The following ASCC3 variants were observed in gnomAD, a reference collection of about 807,000 sequenced individuals.
The protein encoded by ASCC3 is activating signal cointegrator 1 complex subunit 3, also known as ASC-1 complex subunit P200.
In ASCC3, 158 loss-of-function variants were observed where a neutral mutation model predicts 256.3. That is an observed-to-expected ratio of 0.62 (90% confidence interval 0.54 to 0.70). The LOEUF (loss-of-function observed/expected upper bound fraction) is 0.70, where lower values mean the gene tolerates loss of function less well. ASCC3 is among the 30% of genes least tolerant of loss of function. The pLI is 0.00. For missense variants in ASCC3, 2,259 were observed against 2,626.0 expected (o/e 0.86, Z 3.05); for synonymous variants, 948 against 883.4 (o/e 1.07, Z -1.30).
chr6:100,793,805 A>T (rs1352616247), intron 8 of ASCC3, among the ~76,000 whole-genome samples: 1 of 151,938 alleles, frequency 6.6e-6, no homozygotes, highest in African/African-American at 2.4e-5. Flanking sequence ...GGGATAGTGA[A>T]GACTGAAACT....
chr6:100,858,004 T>C lies in ASCC3; in HGVS notation c.241+6060A>G, dbSNP rs567508207. 1.9e-5 allele frequency: 3 copies of C among 159,680 alleles called. No individual in the cohort carries two copies. In the South Asian group the frequency reaches 6.1e-4, roughly 32 times the overall value. 9.9% of individuals were successfully genotyped at this position (159,680 alleles called of 1,614,324 possible). A position where few individuals can be genotyped will look rare whatever the true frequency, so the allele number is the denominator to read the frequency against. On this transcript the variant is annotated intron_variant, in intron 3 of 41. Transcript: ENST00000369162. Reference sequence around the variant, plus strand: ...AGTGAGTCTTCCAATTCTTGGTATATCCCTCTGTTTATTTAGATCTTCTTT... The same window carrying C: ...AGTGAGTCTTCCAATTCTTGGTATACCCCTCTGTTTATTTAGATCTTCTTT...
At chr6:100,619,450 G>A (rs1299032504) in intron 30 of ASCC3, among the ~76,000 whole-genome samples, 2 of 152,058 alleles carry the variant, frequency 1.3e-5, no homozygotes, top group Non-Finnish European at 2.9e-5. Context: ...TGACACTACT[G>A]TATCCATTTG....
In ASCC3 at chr6:100,797,492, A is replaced by AC. The variant is rs35996739; in HGVS notation, c.1395+1220dup. ...AAAAAAAAAATGAAAAAAAAAAAAA[A>AC]CTTAAAATTAAATATTTAATACATA... On this transcript the variant is annotated intron_variant, in intron 8 of 41. Transcript: ENST00000369162. Among the ~76,000 whole-genome samples the AC allele has an allele frequency of 6.1e-3, 920 of 150,322 alleles. 9 individuals carry two copies. Among genetic ancestry groups the AC allele is most frequent in the African/African-American group, 0.022 (895 of 40,670 alleles).
At chr6:100,696,877 G>A (rs1046085542) in intron 13 of ASCC3, among the ~76,000 whole-genome samples, 2 of 151,842 alleles carry the variant, frequency 1.3e-5, no homozygotes, top group Non-Finnish European at 2.9e-5. Context: ...TATTTAATTT[G>A]ACAATTATAT....
At chr6:100,605,830 T>C (rs1381795659) in intron 32 of ASCC3, 130 bp from the exon 33 acceptor site, 2 of 1,053,402 alleles carry the variant, frequency 1.9e-6, no homozygotes, top group East Asian at 5.2e-5. Flanking sequence ...ATATGTTTGC[T>C]ATGTTGATGG....
chr6:100,754,545 A>C (rs2115101056), intron 10 of ASCC3, among the ~76,000 whole-genome samples: 1 of 152,296 alleles, frequency 6.6e-6, no homozygotes, highest in East Asian at 1.9e-4. Context: ...TTGTACTACC[A>C]AATAGTAGGT....
chr6:100,769,556 A>G (rs1781824970), intron 8 of ASCC3, among the ~76,000 whole-genome samples: 2 of 151,924 alleles, frequency 1.3e-5, no homozygotes, highest in Admixed American at 6.5e-5. Flanking sequence ...TTTCAAAAGA[A>G]CAACTTTATC....
At chr6:100,595,127 T>G (rs1206479281) in intron 34 of ASCC3, among the ~76,000 whole-genome samples, 1 of 152,158 alleles carries the variant, frequency 6.6e-6, no homozygotes, top group Admixed American at 6.5e-5. Flanking sequence ...TAAGTTCTGG[T>G]GATGCACTGC....
At chr6:100,842,814 T>G (rs1376905158) in intron 4 of ASCC3, among the ~76,000 whole-genome samples, 1 of 151,996 alleles carries the variant, frequency 6.6e-6, no homozygotes, top group Non-Finnish European at 1.5e-5. Flanking sequence ...CTACAAAACA[T>G]TCTTTAAAAA....
Position 100,525,672 on chromosome 6 carries a change from C to T in ASCC3, c.5776-7530G>A, listed in dbSNP as rs1774548796. Among the ~76,000 whole-genome samples, 4 of 151,986 alleles carry T rather than the reference C, an allele frequency of 2.6e-5. No homozygotes were observed. In the South Asian group the frequency reaches 8.3e-4, roughly 32 times the overall value. On this transcript the variant is annotated intron_variant, in intron 37 of 41. Transcript: ENST00000369162. ...ATAGACTTTAGTTAATAATTATTTGCCAAAATTGGCTTATTAATTGTAGCA... is the reference window on the plus strand; with the variant it reads ...ATAGACTTTAGTTAATAATTATTTGTCAAAATTGGCTTATTAATTGTAGCA...
At position 100,510,098 on chromosome 6, in the gene ASCC3, C is replaced by T. The variant is rs373734435; in HGVS notation, c.6295G>A (p.Glu2099Lys). Residue 2099 changes from glutamate to lysine, a missense_variant, in exon 41 of 42, where the codon GAG becomes AAG. By Grantham distance (56) the Glu-to-Lys change is moderately conservative. Around this residue, in one of 2 missense-constraint regions of ASCC3, gnomAD observed 1,839 missense variants for 2,206.7 expected, o/e 0.83. Coordinates refer to ENST00000369162, the MANE Select transcript of ASCC3 (RefSeq NM_006828.4). Reference protein sequence around the residue: ...VHFGFHKGKPESCAVTPRFPK... With the variant: ...VHFGFHKGKPKSCAVTPRFPK... The stretch of plus-strand genomic sequence containing the variant: ...AATCGAGGAGTAACTGCACAGCTCT[C>T]TGGCTTTCCCTGTAAACCAGAAAAA... The T allele has an allele frequency of 1.8e-4, 289 of 1,614,030 alleles. 1 individual carries two copies. Among genetic ancestry groups the T allele is most frequent in the Non-Finnish European group, 2.4e-4 (283 of 1,180,034 alleles).
intron 34 of ASCC3, 74 bp downstream of exon 34, chr6:100,601,736 T>A: frequency 6.4e-7 from 1 of 1,561,408 alleles, no homozygotes; most frequent in Non-Finnish European, 8.8e-7. Flanking sequence ...GTACCTTAAT[T>A]TGGAGTTTAT....
chr6:100,842,007 G>A (rs1452582594), intron 4 of ASCC3, among the ~76,000 whole-genome samples: 1 of 152,068 alleles, frequency 6.6e-6, no homozygotes, highest in African/African-American at 2.4e-5. Flanking sequence ...TTCTTGTAAA[G>A]GATAATTTTC....
In ASCC3 at chr6:100,848,257, A is replaced by C. The variant is rs777926900; in HGVS notation, c.692T>G (p.Leu231Arg). 4.3e-6 allele frequency: 7 copies of C among 1,614,030 alleles called. No homozygotes were observed. The South Asian group carries it at 7.7e-5, about 18-fold the overall frequency. Residue 231 changes from leucine to arginine, a missense_variant, in exon 4 of 42, where the codon CTA (leucine) becomes CGA (arginine). Transcript: ENST00000369162. The stretch of plus-strand genomic sequence containing the variant: ...AGTCATTTCCTTCAAAGTTGAATTT[A>C]GGTACTTTTCAACTTCACACCACAA... ...SFLWCEVEKY[L>R]NSTLKEMTEV...
chr6:100,579,588 T>C (rs1256630602), intron 36 of ASCC3, among the ~76,000 whole-genome samples: 1 of 152,154 alleles, frequency 6.6e-6, no homozygotes, highest in South Asian at 2.1e-4. Flanking sequence ...GCACCATTTA[T>C]TGAATAGGGA....
chr6:100,654,270 T>G (rs1447574048), intron 17 of ASCC3, among the ~76,000 whole-genome samples: 1 of 151,668 alleles, frequency 6.6e-6, no homozygotes, highest in African/African-American at 2.4e-5. Context: ...GGCCACAAAT[T>G]TGTATTGAGT....
At chr6:100,686,274 A>ATAAT (rs1160552052) in intron 13 of ASCC3, among the ~76,000 whole-genome samples, 2 of 152,196 alleles carry the variant, frequency 1.3e-5, no homozygotes, top group African/African-American at 4.8e-5. Flanking sequence ...TTTGCTCCTT[A>ATAAT]TAATATACTG....
chr6:100,511,413 C>T (rs187976476), intron 40 of ASCC3, among the ~76,000 whole-genome samples: 1 of 152,030 alleles, frequency 6.6e-6, no homozygotes, highest in East Asian at 2.0e-4. Context: ...AGTGAAATTC[C>T]ATCTCAAACA....
At chr6:100,807,806 T>A (rs542899951) in intron 4 of ASCC3, among the ~76,000 whole-genome samples, 2 of 152,038 alleles carry the variant, frequency 1.3e-5, no homozygotes, top group South Asian at 4.1e-4. Flanking sequence ...AGGGGAAGTA[T>A]GTATAAAATT....
Sources: allele counts gnomAD v4.1 joint callset (sites outside exome capture counted in the v4.1 genomes callset), GRCh38; gene constraint gnomAD v4.1.1; regional missense constraint gnomAD v4.1.1; transcripts MANE v1.5; gene names NCBI Gene and HGNC (gene_info 2026-07-23, HGNC 2026-07-21).